Variants in PTPRD observed in about 807,000 individuals in gnomAD.
The protein encoded by PTPRD is protein tyrosine phosphatase receptor type D.
In PTPRD, 34 loss-of-function variants were observed where a neutral mutation model predicts 214.5. The observed-to-expected ratio is 0.16, with a 90% CI of 0.12 to 0.21. PTPRD has a LOEUF of 0.21. Among genes scored for constraint, PTPRD ranks in the 10% least tolerant of loss-of-function variants. The pLI is 1.00. For synonymous variants in PTPRD, 1,128 were observed against 845.7 expected, an observed-to-expected ratio of 1.33 and a Z score of -5.79; for missense variants, 2,545 against 2,398.7, an observed-to-expected ratio of 1.06 and a Z score of -1.27.
chr9:8,428,083 A>T (rs1048784109), intron 35 of PTPRD, among the ~76,000 whole-genome samples: 1 of 152,182 alleles, frequency 6.6e-6, no homozygotes, highest in Non-Finnish European at 1.5e-5. Context: ...TCATTTGCTT[A>T]AGGTCACACA....
chr9:10,444,901 T>G (rs530928767), intron 2 of PTPRD, among the ~76,000 whole-genome samples: 1 of 151,996 alleles, frequency 6.6e-6, no homozygotes, highest in South Asian at 2.1e-4. Flanking sequence ...GCCACTTTTC[T>G]CACAGAAAAA....
chr9:8,808,786 C>G (rs1384622140), intron 11 of PTPRD, among the ~76,000 whole-genome samples: 1 of 152,126 alleles, frequency 6.6e-6, no homozygotes, highest in Admixed American at 6.6e-5. Flanking sequence ...AATAGTTCTT[C>G]CTAGGACCCA....
Position 8,317,275 on chromosome 9 carries a change from T to C in PTPRD, c.*599A>G. The C allele has an allele frequency of 4.3e-6, 1 of 232,380 alleles. No individual in the cohort carries two copies. The highest frequency in any genetic ancestry group is 8.5e-6 in the Non-Finnish European group (1 of 117,230). The allele number at this position is 232,380 out of a possible 1,614,324, so 14.4% of individuals were successfully genotyped here. ...AAAAATGAAGAGTTATGTAACTTTT[T>C]TAAAATTCACTTTATCGAATGATAC... is the stretch of plus-strand genomic sequence containing the variant. On this transcript the variant is annotated 3_prime_UTR_variant, in exon 46 of 46. Coordinates refer to ENST00000381196, the MANE Select transcript of PTPRD (RefSeq NM_002839.4).
At chr9:8,903,592 C>T (rs555261968) in intron 11 of PTPRD, among the ~76,000 whole-genome samples, 143 of 152,214 alleles carry the variant, frequency 9.4e-4, no homozygotes, top group African/African-American at 3.2e-3. Context: ...ACAATTTTGA[C>T]ATGAAGTATC....
intron 11 of PTPRD, 23 bp from the exon 12 acceptor site, chr9:8,733,969 A>C (rs2098689298): frequency 1.5e-5 from 14 of 903,290 alleles, no homozygotes; most frequent in Non-Finnish European, 2.4e-5. Flanking sequence ...AGGAAGAGAA[A>C]AGAAAAGGAA....
At chr9:10,506,840 C>T (rs888142279) in intron 2 of PTPRD, among the ~76,000 whole-genome samples, 1 of 152,036 alleles carries the variant, frequency 6.6e-6, no homozygotes, top group African/African-American at 2.4e-5. Flanking sequence ...TATGATTAGA[C>T]TAAAATTAGA....
Position 9,839,196 on chromosome 9 carries a change from G to C in PTPRD, c.-367-72345C>G, listed in dbSNP as rs567476642. 7.2e-5 allele frequency among the ~76,000 whole-genome samples: 11 copies of C among 152,040 alleles called. 1 individual carries two copies. Among genetic ancestry groups the C allele is most frequent in the African/African-American group, 2.7e-4 (11 of 41,480 alleles). On this transcript the variant is annotated intron_variant, in intron 5 of 45. Transcript: ENST00000381196. ...CTTGTAGTATAGTGTTGGAAGTTCT[G>C]GCCAGGACAATTAGGCAGGAGAAGG...
intron 5 of PTPRD, among the ~76,000 whole-genome samples, chr9:9,861,827 C>T (rs2062837966): frequency 6.6e-6 from 1 of 152,080 alleles, no homozygotes; most frequent in Admixed American, 6.5e-5. Flanking sequence ...CAAATAATTA[C>T]ATCTATGTTT....
chr9:8,736,043 G>T (rs1287341142), intron 11 of PTPRD, among the ~76,000 whole-genome samples: 1 of 152,158 alleles, frequency 6.6e-6, no homozygotes, highest in African/African-American at 2.4e-5. Flanking sequence ...TTAGAGCAGA[G>T]GAACCATGGA....
chr9:10,107,397 T>A (rs2098644610), intron 3 of PTPRD, among the ~76,000 whole-genome samples: 1 of 152,046 alleles, frequency 6.6e-6, no homozygotes, highest in African/African-American at 2.4e-5. Flanking sequence ...TGCATAAACA[T>A]GACTCATTTT....
At chr9:9,880,539 C>T (rs766723366) in intron 5 of PTPRD, among the ~76,000 whole-genome samples, 1 of 151,896 alleles carries the variant, frequency 6.6e-6, no homozygotes, top group African/African-American at 2.4e-5. Flanking sequence ...CAGATATTTA[C>T]TTTTATTTTT....
intron 8 of PTPRD, among the ~76,000 whole-genome samples, chr9:9,529,354 A>T (rs1360925342): frequency 6.6e-6 from 1 of 152,178 alleles, no homozygotes; most frequent in African/African-American, 2.4e-5. Context: ...AAGGCAAGCC[A>T]AACTAAGGCT....
intron 3 of PTPRD, among the ~76,000 whole-genome samples, chr9:10,307,725 ATC>A (rs1195714597): frequency 1.3e-5 from 2 of 152,008 alleles, no homozygotes; most frequent in Non-Finnish European, 2.9e-5. Context: ...CCTTGCCAGC[ATC>A]TCTTATTTTT....
chr9:9,285,776 T>C (rs1663148783), intron 9 of PTPRD, among the ~76,000 whole-genome samples: 2 of 151,846 alleles, frequency 1.3e-5, no homozygotes, highest in Non-Finnish European at 2.9e-5. Context: ...CATTTGTTTC[T>C]TCATCTTAGT....
At chr9:10,344,170 T>A (rs1464197308) in intron 2 of PTPRD, among the ~76,000 whole-genome samples, 1 of 151,752 alleles carries the variant, frequency 6.6e-6, no homozygotes, top group Non-Finnish European at 1.5e-5. Context: ...AGGTCTTACA[T>A]TTAAGTCTTT....
intron 10 of PTPRD, among the ~76,000 whole-genome samples, chr9:9,131,486 C>T (rs2099842524): frequency 6.6e-6 from 1 of 152,222 alleles, no homozygotes; most frequent in South Asian, 2.1e-4. Context: ...TAGCAGTTCG[C>T]TATTACCATT....
At chr9:9,919,616 T>C (rs184824979) in intron 5 of PTPRD, among the ~76,000 whole-genome samples, 1 of 152,266 alleles carries the variant, frequency 6.6e-6, no homozygotes, top group East Asian at 1.9e-4. Flanking sequence ...ATGCAGCAGA[T>C]GGAAATGGAA....
At chr9:10,602,047 C>A (rs963818754) in intron 2 of PTPRD, among the ~76,000 whole-genome samples, 1 of 151,718 alleles carries the variant, frequency 6.6e-6, no homozygotes, top group South Asian at 2.1e-4. Context: ...CACAAAACAA[C>A]TCAACTTTAA....
intron 2 of PTPRD, among the ~76,000 whole-genome samples, chr9:10,536,477 T>A (rs1320659275): frequency 6.6e-6 from 1 of 152,178 alleles, no homozygotes; most frequent in Non-Finnish European, 1.5e-5. Flanking sequence ...TATTTTCATG[T>A]TTATGAGAAA....
Sources: allele counts gnomAD v4.1 joint callset (sites outside exome capture counted in the v4.1 genomes callset), GRCh38; gene constraint gnomAD v4.1.1; transcripts MANE v1.5; gene names NCBI Gene and HGNC (gene_info 2026-07-23, HGNC 2026-07-21).